The following ARHGEF40 variants were observed in gnomAD, a reference collection of about 807,000 sequenced individuals.
ARHGEF40 encodes the protein Rho guanine nucleotide exchange factor 40.
In ARHGEF40, 98 loss-of-function variants were observed where a neutral mutation model predicts 165.9. The observed-to-expected ratio is 0.59, with a 90% CI of 0.50 to 0.70. The LOEUF is 0.70. ARHGEF40 is among the 30% of genes least tolerant of loss of function. The pLI, the probability that ARHGEF40 is intolerant of heterozygous loss-of-function variation, is 0.00. For missense variants in ARHGEF40, 1,815 were observed against 1,968.0 expected, an observed-to-expected ratio of 0.92 and a Z score of 1.47; for synonymous variants, 792 against 814.3, an observed-to-expected ratio of 0.97 and a Z score of 0.47.
chr14:21,081,645 C>CCCTGGA lies in ARHGEF40; in HGVS notation c.2783_2788dup (p.Asp928_Leu929dup), dbSNP rs1566532933. ...ACCTTCCAGGAGATGCGGGCCCTGGCCCTGGACCTGGGCAGCCCAGCAGCC... is the reference window on the plus strand; with the variant it reads ...ACCTTCCAGGAGATGCGGGCCCTGGCCCTGGACCTGGACCTGGGCAGCCCAGCAGCC... On this transcript the variant is annotated inframe_insertion, in exon 14 of 24. Coordinates refer to ENST00000298694, the MANE Select transcript of ARHGEF40 (RefSeq NM_018071.5). 1 of 1,608,444 alleles carries CCCTGGA rather than the reference C, an allele frequency of 6.2e-7. No individual in the cohort carries two copies. Among genetic ancestry groups the CCCTGGA allele is most frequent in the Admixed American group, 1.7e-5 (1 of 59,358 alleles).
chr14:21,081,954 G>T lies in ARHGEF40; in HGVS notation c.3086G>T (p.Gly1029Val), dbSNP rs760522704. The change falls in exon 14 of 24, where the codon GGC (glycine) becomes GTC (valine). Residue 1029 changes from glycine (G) to valine (V), a missense_variant. Transcript: ENST00000298694. ...CCTGAGCTGGCTCCAGAAGCAGAGG[G>T]CAGGCCCCCAAGAGCTGTGCTGATC... ...EGPELAPEAEGRPPRAVLIRG... is the reference protein window; with the variant it reads ...EGPELAPEAEVRPPRAVLIRG... 6.2e-7 allele frequency: 1 copy of T among 1,604,704 alleles called. No individual in the cohort carries two copies. Among genetic ancestry groups the T allele is most frequent in the Non-Finnish European group, 8.5e-7 (1 of 1,175,834 alleles).
In ARHGEF40 at chr14:21,087,401, G is replaced by A. The variant is rs1888442065; in HGVS notation, c.4325G>A (p.Cys1442Tyr). 4 of 1,602,624 alleles carry A rather than the reference G, an allele frequency of 2.5e-6. No homozygotes were observed. Among genetic ancestry groups the A allele is most frequent in the Non-Finnish European group, 3.4e-6 (4 of 1,179,914 alleles). ...PSLPGLSPGACSLPARVEEEA... is the reference protein window; with the variant it reads ...PSLPGLSPGAYSLPARVEEEA... ...CTTCCCGGCCTTTCGCCGGGAGCCT[G>A]CTCCCTGCCTGCCCGCGTCGAGGAG... Residue 1442 changes from cysteine to tyrosine, a missense_variant, in exon 21 of 24, where the codon TGC (cysteine) becomes TAC (tyrosine). Physicochemically the swap from Cys to Tyr is radical, Grantham distance 194. Transcript: ENST00000298694.
intron 13 of ARHGEF40, 103 bp downstream of exon 13, chr14:21,081,119 GC>G: frequency 6.6e-7 from 1 of 1,506,144 alleles, no homozygotes. Flanking sequence ...AGGCTGAGGG[GC>G]CCATCTCCTA....
chr14:21,088,089 A>C lies in ARHGEF40; in HGVS notation c.4509A>C (p.Leu1503=), dbSNP rs1374439617. Residue 1503 remains leucine, a synonymous_variant, in exon 22 of 24, where the codon CTA becomes CTC. Transcript: ENST00000298694. ...PTLASRGILG[L]SRQSHARALS... ...TGGCCAGTCGAGGGATCTTAGGGCTATCCCGACAGGTAAGTTCCTACAACG... is the reference window on the plus strand; with the variant it reads ...TGGCCAGTCGAGGGATCTTAGGGCTCTCCCGACAGGTAAGTTCCTACAACG... The C allele has an allele frequency of 1.9e-6, 3 of 1,610,726 alleles. No homozygotes were observed. Among genetic ancestry groups the C allele is most frequent in the Admixed American group, 3.4e-5 (2 of 59,464 alleles).
At chr14:21,076,967 T>C (rs1293175915) in intron 8 of ARHGEF40, 77 bp downstream of exon 8, 2 of 1,259,144 alleles carry the variant, frequency 1.6e-6, no homozygotes, top group African/African-American at 1.5e-5. Context: ...AGAGAGGCCA[T>C]GTCCAGGACA....
chr14:21,087,928 G>T, intron 21 of ARHGEF40, 40 bp from the exon 22 acceptor site: 1 of 1,612,334 alleles, frequency 6.2e-7, no homozygotes. Context: ...GTAATCTGGA[G>T]GGATTCTGTA....
chr14:21,082,698 C>A, intron 15 of ARHGEF40, 133 bp from the exon 16 acceptor site: 1 of 1,092,666 alleles, frequency 9.2e-7, no homozygotes, highest in East Asian at 2.5e-5. Context: ...GAGCCCTTCC[C>A]TCCCTGGTAG....
the ARHGEF40 span, among the ~76,000 whole-genome samples, chr14:21,064,338 GT>G: frequency 6.6e-6 from 1 of 151,138 alleles, no homozygotes; most frequent in Admixed American, 6.6e-5. Flanking sequence ...GTCTCTCTCT[GT>G]TGCCCAGGCT....
upstream of ARHGEF40, among the ~76,000 whole-genome samples, chr14:21,067,185 C>T (rs559590159): frequency 2.8e-4 from 43 of 152,110 alleles, no homozygotes; most frequent in African/African-American, 8.0e-4. Flanking sequence ...CACCTTCCCC[C>T]GTATTAGGAT....
intron 18 of ARHGEF40, 148 bp downstream of exon 18, chr14:21,085,071 G>C: frequency 9.8e-7 from 1 of 1,025,532 alleles, no homozygotes; most frequent in Non-Finnish European, 1.4e-6. Context: ...ATCGAGTTAG[G>C]GTGTCAGGGG....
At chr14:21,069,495 C>T (rs993244276), upstream of ARHGEF40, among the ~76,000 whole-genome samples, 2 of 152,200 alleles carry the variant, frequency 1.3e-5, no homozygotes, top group East Asian at 1.9e-4. Context: ...GGAAGGGCCA[C>T]GGAGGAGAGA....
rs1270339939 is a variant in ARHGEF40 at position 21,076,609 on chromosome 14, A to T, written c.1883A>T (p.His628Leu). ...GTTCAGCGGCTGCTGATTCTCATTC[A>T]TGATGACCTTCCAACTGAACTCTGT... ...PLVQRLLILI[H>L]DDLPTELCGF... The change falls in exon 7 of 24, where the codon CAT becomes CTT. Residue 628 changes from histidine to leucine, a missense_variant. Physicochemically the swap from His to Leu is moderately conservative, Grantham distance 99. Coordinates refer to ENST00000298694, the MANE Select transcript of ARHGEF40 (RefSeq NM_018071.5). 1 of 1,614,202 alleles carries T rather than the reference A, an allele frequency of 6.2e-7. No individual in the cohort carries two copies. Among genetic ancestry groups the T allele is most frequent in the East Asian group, 2.2e-5 (1 of 44,890 alleles).
chr14:21,065,473 C>G (rs545588008), upstream of ARHGEF40, among the ~76,000 whole-genome samples: 54 of 152,270 alleles, frequency 3.5e-4, 1 homozygote, highest in Middle Eastern at 0.01. Flanking sequence ...GACAAGGTCC[C>G]TCATTTCATA....
chr14:21,064,999 C>T, the ARHGEF40 span, among the ~76,000 whole-genome samples: 1 of 152,088 alleles, frequency 6.6e-6, no homozygotes, highest in Non-Finnish European at 1.5e-5. Context: ...GCTGAAACCA[C>T]ATTTCTACTA....
chr14:21,074,666 C>G lies in ARHGEF40; in HGVS notation c.936C>G (p.Thr312=). The G allele has an allele frequency of 6.4e-7, 1 of 1,569,974 alleles. No individual in the cohort carries two copies. The highest frequency in any genetic ancestry group is 8.6e-7 in the Non-Finnish European group (1 of 1,159,050). Residue 312 remains threonine (T), a synonymous_variant, in exon 3 of 24, where the codon ACC becomes ACG. Coordinates refer to ENST00000298694, the MANE Select transcript of ARHGEF40 (RefSeq NM_018071.5). The surrounding 1 kb of genome is among the most constrained non-coding windows in gnomAD (Gnocchi z 4.8). ...GARPPGEGSS[T]GASPESPPGA... ...GCCCACCCGGCGAGGGGAGCAGCACCGGAGCCTCCCCTGAGTCTCCCCCAG... is the reference window on the plus strand; with the variant it reads ...GCCCACCCGGCGAGGGGAGCAGCACGGGAGCCTCCCCTGAGTCTCCCCCAG...
chr14:21,061,965 T>C, the ARHGEF40 span, among the ~76,000 whole-genome samples: 2 of 152,238 alleles, frequency 1.3e-5, no homozygotes, highest in East Asian at 1.9e-4. Flanking sequence ...ATGGAATATA[T>C]ATTGAATTTA....
chr14:21,088,320 G>A (rs1307427515), intron 22 of ARHGEF40, among the ~76,000 whole-genome samples: 4 of 152,130 alleles, frequency 2.6e-5, no homozygotes, highest in Non-Finnish European at 4.4e-5. Flanking sequence ...CTTAAATAAG[G>A]AGTATAGTGC....
In ARHGEF40 at chr14:21,074,489, G is replaced by A. The variant is rs1419084770; in HGVS notation, c.759G>A (p.Arg253=). Residue 253 remains arginine, a synonymous_variant, in exon 3 of 24, where the codon AGG becomes AGA. Transcript: ENST00000298694. The surrounding 1 kb of genome is among the most constrained non-coding windows in gnomAD (Gnocchi z 4.8). ...TGTTAGAGGTGACGCTGCCCGTGAG[G>A]GGGAGCCCAACAGATGCTGAAGGCT... The part of the protein sequence containing the change: ...VELLEVTLPV[R]GSPTDAEGSP... 2 of 1,561,114 alleles carry A rather than the reference G, an allele frequency of 1.3e-6. No homozygotes were observed. Among genetic ancestry groups the A allele is most frequent in the African/African-American group, 2.7e-5 (2 of 73,564 alleles).
chr14:21,081,066 C>T, intron 13 of ARHGEF40, 50 bp downstream of exon 13: 1 of 1,573,926 alleles, frequency 6.4e-7, no homozygotes, highest in Non-Finnish European at 8.6e-7. Flanking sequence ...CATTTATTCA[C>T]TTCCTTTCTG....
Sources: gnomAD v4.1 joint callset for allele counts (sites outside exome capture counted in the v4.1 genomes callset) on GRCh38, gnomAD v4.1.1 for gene constraint, Gnocchi (gnomAD v3.1) non-coding constraint, MANE v1.5 for transcripts, NCBI Gene and HGNC (gene_info 2026-07-23, HGNC 2026-07-21) for gene names.